LY6G5C: variants seen among roughly 807,000 people sequenced by gnomAD.
The protein encoded by LY6G5C is lymphocyte antigen 6 complex locus protein G5c.
LY6G5C carries 6 observed loss-of-function variants against 10.5 expected under a neutral mutation model. That is an observed-to-expected ratio of 0.57 (90% CI 0.31 to 1.12). The LOEUF is 1.12. LY6G5C is among the 50% of genes most tolerant of loss of function. The pLI, the probability that LY6G5C is intolerant of heterozygous loss-of-function variation, is 0.05. For missense variants in LY6G5C, 160 were observed against 185.5 expected (o/e 0.86, Z 0.80); for synonymous variants, 69 against 67.8 (o/e 1.02, Z -0.09).
rs1012075236 is a variant in LY6G5C at position 31,680,001 on chromosome 6, C to G, written c.121+252G>C. The stretch of plus-strand genomic sequence containing the variant: ...GGTGGAGGTTGCAGTGAGCCGAGAT[C>G]TCGCCACTGCACTCCGGCCTGGGAT... On this transcript the variant is annotated intron_variant, in intron 1 of 2. Coordinates refer to ENST00000383237, the Ensembl canonical transcript of LY6G5C. This position sits in a 1 kb window ranked among gnomAD's most constrained non-coding sequence, Gnocchi z 4.5. The G allele has an allele frequency of 1.1e-5, 4 of 363,148 alleles. No individual in the cohort carries two copies. Among genetic ancestry groups the G allele is most frequent in the Non-Finnish European group, 2.1e-5 (4 of 195,040 alleles). 22.5% of individuals were successfully genotyped at this position (363,148 alleles called of 1,614,324 possible).
chr6:31,680,334 C>G lies in LY6G5C; in HGVS notation c.40G>C (p.Gly14Arg), dbSNP rs2151205910. ...GGGCTGCTGTGGAAGCACAGGGGACCCAGACTCTGGCTCCCTGCAGGGCCT... is the reference window on the plus strand; with the variant it reads ...GGGCTGCTGTGGAAGCACAGGGGACGCAGACTCTGGCTCCCTGCAGGGCCT... Residue 14 changes from glycine to arginine, a missense_variant, in exon 1 of 3, where the codon GGT becomes CGT. Physicochemically the swap from Gly to Arg is moderately radical, Grantham distance 125. Coordinates refer to ENST00000383237, the Ensembl canonical transcript of LY6G5C. This position sits in a 1 kb window ranked among gnomAD's most constrained non-coding sequence, Gnocchi z 4.5. 1 of 1,611,344 alleles carries G rather than the reference C, an allele frequency of 6.2e-7. No homozygotes were observed.
In LY6G5C at chr6:31,679,942, G is replaced by A. The variant is rs891751849; in HGVS notation, c.121+311C>T. ...TATGCCTGTAATCCCAGTTATTCGGGAGGCTGAGGCATGAGAATCGCTTGA... is the reference window on the plus strand; with the variant it reads ...TATGCCTGTAATCCCAGTTATTCGGAAGGCTGAGGCATGAGAATCGCTTGA... On this transcript the variant is annotated intron_variant, in intron 1 of 2. Coordinates refer to ENST00000383237, the Ensembl canonical transcript of LY6G5C. This position sits in a 1 kb window ranked among gnomAD's most constrained non-coding sequence, Gnocchi z 4.4. The A allele has an allele frequency of 1.2e-5, 3 of 247,044 alleles. No homozygotes were observed. The highest frequency in any genetic ancestry group is 2.4e-5 in the Non-Finnish European group (3 of 123,974). The allele number at this position is 247,044 out of a possible 1,614,324, so 15.3% of individuals were successfully genotyped here. A position where few individuals can be genotyped will look rare whatever the true frequency, so the allele number is the denominator to read the frequency against.
chr6:31,677,601 T>C (rs1418760314), intron 2 of LY6G5C, among the ~76,000 whole-genome samples: 1 of 151,990 alleles, frequency 6.6e-6, no homozygotes, highest in Non-Finnish European at 1.5e-5. Flanking sequence ...CCATCAATAG[T>C]GGGATGGGGA....
rs1802813687 is a variant in LY6G5C, at chr6:31,680,281, T to G, written c.93A>C (p.Ile31=). 1 of 1,612,548 alleles carries G rather than the reference T, an allele frequency of 6.2e-7. No individual in the cohort carries two copies. The highest frequency in any genetic ancestry group is 1.3e-5 in the African/African-American group (1 of 74,730). ...ACACCAAGCTCATCATGACCAGCACTATTAAGAGGACCGTGTAGAGGGCTT... is the reference window on the plus strand; with the variant it reads ...ACACCAAGCTCATCATGACCAGCACGATTAAGAGGACCGTGTAGAGGGCTT... The change falls in exon 1 of 3, where the codon ATA becomes ATC. Residue 31 remains isoleucine (I), a synonymous_variant. Transcript: ENST00000383237. The surrounding 1 kb of genome is among the most constrained non-coding windows in gnomAD (Gnocchi z 4.5).
intron 2 of LY6G5C, among the ~76,000 whole-genome samples, chr6:31,678,590 G>A (rs1237548271): frequency 2.0e-5 from 3 of 152,204 alleles, no homozygotes; most frequent in African/African-American, 4.8e-5. Context: ...GAGGGTCCCC[G>A]TCAAAGCTGC....
chr6:31,680,529 C>T (rs1242854843), upstream of LY6G5C, among the ~76,000 whole-genome samples: 1 of 152,198 alleles, frequency 6.6e-6, no homozygotes, highest in Non-Finnish European at 1.5e-5. This position sits in a 1 kb window ranked among gnomAD's most constrained non-coding sequence, Gnocchi z 4.5. Flanking sequence ...GGCATAACAT[C>T]CTGCTTGAGG....
downstream of LY6G5C, chr6:31,676,707 T>G (rs1334820741): frequency 6.2e-6 from 3 of 482,556 alleles, no homozygotes; most frequent in African/African-American, 5.8e-5. Flanking sequence ...CAAATTTATT[T>G]GGGAGAAACA....
At chr6:31,680,488 G>T, upstream of LY6G5C, 3 of 1,279,670 alleles carry the variant, frequency 2.3e-6, no homozygotes, top group Admixed American at 8.0e-5. This position sits in a 1 kb window ranked among gnomAD's most constrained non-coding sequence, Gnocchi z 4.5. Flanking sequence ...CAGCCAGAGG[G>T]GCAGAATGTT....
chr6:31,679,021 G>A lies in LY6G5C; in HGVS notation c.289+80C>T, dbSNP rs1038289360. On this transcript the variant is annotated intron_variant, in intron 2 of 2. Coordinates refer to ENST00000383237, the Ensembl canonical transcript of LY6G5C. The surrounding 1 kb of genome is among the most constrained non-coding windows in gnomAD (Gnocchi z 4.4). ...ATGTCTTATGGGATTATGGGAACAA[G>A]ACTTGGGGTGCAGCTTAGGAGGCTG... 4.9e-6 allele frequency: 7 copies of A among 1,434,290 alleles called. No individual in the cohort carries two copies. Among genetic ancestry groups the A allele is most frequent in the Non-Finnish European group, 6.9e-6 (7 of 1,020,880 alleles). The allele number at this position is 1,434,290 out of a possible 1,614,324, so 88.8% of individuals were successfully genotyped here. A position where few individuals can be genotyped will look rare whatever the true frequency, so the allele number is the denominator to read the frequency against.
upstream of LY6G5C, chr6:31,680,432 G>A (rs1802829729): frequency 1.3e-6 from 2 of 1,555,660 alleles, no homozygotes; most frequent in South Asian, 1.2e-5. The surrounding 1 kb of genome is among the most constrained non-coding windows in gnomAD (Gnocchi z 4.5). Context: ...TGGCCAAGAG[G>A]AAGGAGAGAG....
chr6:31,680,101 T>C lies in LY6G5C; in HGVS notation c.121+152A>G. On this transcript the variant is annotated intron_variant, in intron 1 of 2. Coordinates refer to ENST00000383237, the Ensembl canonical transcript of LY6G5C. The surrounding 1 kb of genome is among the most constrained non-coding windows in gnomAD (Gnocchi z 4.5). ...AATCTTCAGATTGCACATCAGTCCATGAGCAGGCATTCCCTACCAAACCCA... is the reference window on the plus strand; with the variant it reads ...AATCTTCAGATTGCACATCAGTCCACGAGCAGGCATTCCCTACCAAACCCA... 2 of 789,212 alleles carry C rather than the reference T, an allele frequency of 2.5e-6. No individual in the cohort carries two copies. Among genetic ancestry groups the C allele is most frequent in the South Asian group, 3.0e-5 (2 of 67,370 alleles). The allele number at this position is 789,212 out of a possible 1,614,324, so 48.9% of individuals were successfully genotyped here.
chr6:31,677,191 A>G, intron 2 of LY6G5C, 71 bp from the exon 3 acceptor site: 1 of 1,426,298 alleles, frequency 7.0e-7, no homozygotes, highest in Non-Finnish European at 9.6e-7. Flanking sequence ...TCATCCCCAC[A>G]CTCATAAGTC....
rs142321778 is a variant in LY6G5C, at chr6:31,677,005, G to A, written c.405C>T (p.Phe135=). 644 of 1,612,904 alleles carry A rather than the reference G, an allele frequency of 4.0e-4. 1 individual carries two copies. The highest frequency in any genetic ancestry group is 5.2e-4 in the Non-Finnish European group (611 of 1,180,026). ...TTTGAGGGTCATTGCAGAAATCCAG[G>A]AAGCAGTATTGAGAGAATATCCAGA... Residue 135 remains phenylalanine, a synonymous_variant, in exon 3 of 3, where the codon TTC becomes TTT. Transcript: ENST00000383237.
In LY6G5C at chr6:31,679,376, C is replaced by T. The variant is rs1044449735; in HGVS notation, c.122-108G>A. On this transcript the variant is annotated intron_variant, in intron 1 of 2. Transcript: ENST00000383237. The surrounding 1 kb of genome is among the most constrained non-coding windows in gnomAD (Gnocchi z 4.4). ...CCCACTCCTCCCTCCCTTCCTGTCTCAGAAAACCATCAAAGCCCCAATTCT... is the reference window on the plus strand; with the variant it reads ...CCCACTCCTCCCTCCCTTCCTGTCTTAGAAAACCATCAAAGCCCCAATTCT... The T allele has an allele frequency of 2.2e-5, 28 of 1,250,900 alleles. No homozygotes were observed. Among genetic ancestry groups the T allele is most frequent in the African/African-American group, 7.4e-5 (5 of 67,654 alleles). 77.5% of individuals were successfully genotyped at this position (1,250,900 alleles called of 1,614,324 possible). A position where few individuals can be genotyped will look rare whatever the true frequency, so the allele number is the denominator to read the frequency against.
Position 31,679,153 on chromosome 6 carries a change from G to A in LY6G5C, c.237C>T (p.Asp79=). Reference sequence around the variant, plus strand: ...TGCTGCCAGCTGGGGTGAGGCAGATGTCAGATCCCAGAAGGCACCCTAACT... The same window carrying A: ...TGCTGCCAGCTGGGGTGAGGCAGATATCAGATCCCAGAAGGCACCCTAACT... Residue 79 remains aspartate, a synonymous_variant, in exon 2 of 3, where the codon GAC becomes GAT. Coordinates refer to ENST00000383237, the Ensembl canonical transcript of LY6G5C. This position sits in a 1 kb window ranked among gnomAD's most constrained non-coding sequence, Gnocchi z 4.4. 6.2e-7 allele frequency: 1 copy of A among 1,613,058 alleles called. No homozygotes were observed. Among genetic ancestry groups the A allele is most frequent in the Non-Finnish European group, 8.5e-7 (1 of 1,180,020 alleles).
In LY6G5C at chr6:31,679,681, A is replaced by T. The variant is rs1802774818; in HGVS notation, c.122-413T>A. On this transcript the variant is annotated intron_variant, in intron 1 of 2. Transcript: ENST00000383237. This position sits in a 1 kb window ranked among gnomAD's most constrained non-coding sequence, Gnocchi z 4.4. ...CCTATTCTATGTTGCCCTCAGATCC[A>T]GAGAGGATTCCTTCAGTATCTCTAT... is the stretch of plus-strand genomic sequence containing the variant. The T allele has an allele frequency of 1.2e-5, 3 of 242,626 alleles. No homozygotes were observed. In the South Asian group the frequency reaches 2.1e-4, roughly 17 times the overall value. 15.0% of individuals were successfully genotyped at this position (242,626 alleles called of 1,614,324 possible).
At chr6:31,678,971 A>G (rs922327097) in intron 2 of LY6G5C, 130 bp downstream of exon 2, 44 of 1,012,714 alleles carry the variant, frequency 4.3e-5, no homozygotes, top group Non-Finnish European at 6.1e-5. Flanking sequence ...CAGAGCAGCA[A>G]AAAAAAAAAG....
upstream of LY6G5C, among the ~76,000 whole-genome samples, chr6:31,680,870 TC>T (rs1455868673): frequency 6.6e-6 from 1 of 152,056 alleles, no homozygotes; most frequent in Non-Finnish European, 1.5e-5. The surrounding 1 kb of genome is among the most constrained non-coding windows in gnomAD (Gnocchi z 4.5). Flanking sequence ...AGGACGCTAT[TC>T]CCGAGTCCGG....
chr6:31,678,637 T>A (rs1802707262), intron 2 of LY6G5C, among the ~76,000 whole-genome samples: 1 of 151,946 alleles, frequency 6.6e-6, no homozygotes, highest in Non-Finnish European at 1.5e-5. Context: ...AGCTACAGAT[T>A]GAGGAGAGAA....
Sources: gnomAD v4.1 joint callset for allele counts (sites outside exome capture counted in the v4.1 genomes callset) on GRCh38, gnomAD v4.1.1 for gene constraint, Gnocchi (gnomAD v3.1) non-coding constraint, MANE v1.5 for transcripts, NCBI Gene and HGNC (gene_info 2026-07-23, HGNC 2026-07-21) for gene names.